Variants in MMS22L observed in about 807,000 individuals in gnomAD.
MMS22L encodes the protein protein MMS22-like.
Under a neutral mutation model 159.1 loss-of-function variants are expected in MMS22L, and 74 were observed. That is an observed-to-expected ratio of 0.47 (90% CI 0.39 to 0.56). MMS22L has a LOEUF of 0.56. MMS22L is among the 20% of genes least tolerant of loss of function. The pLI, the probability that MMS22L is intolerant of heterozygous loss-of-function variation, is 0.00. For missense variants in MMS22L, 1,351 were observed against 1,422.1 expected, an observed-to-expected ratio of 0.95 and a Z score of 0.80; for synonymous variants, 517 against 506.9, an observed-to-expected ratio of 1.02 and a Z score of -0.27.
At chr6:97,149,794 A>G in intron 24 of MMS22L, 59 bp downstream of exon 24, 1 of 1,440,758 alleles carries the variant, frequency 6.9e-7, no homozygotes. Flanking sequence ...TTTCTATAAA[A>G]TGAAATATAA....
At chr6:97,220,905 TAG>T (rs1371631152) in intron 14 of MMS22L, among the ~76,000 whole-genome samples, 1 of 150,862 alleles carries the variant, frequency 6.6e-6, no homozygotes, top group Non-Finnish European at 1.5e-5. Flanking sequence ...GTCACTATGC[TAG>T]AAGTATTATA....
At chr6:97,274,922 C>T (rs1030125003) in intron 4 of MMS22L, among the ~76,000 whole-genome samples, 3 of 152,122 alleles carry the variant, frequency 2.0e-5, no homozygotes, top group Admixed American at 6.6e-5. Flanking sequence ...AGACTACGCA[C>T]GAGAAAGAAT....
intron 6 of MMS22L, chr6:97,271,520 G>T (rs916202825): frequency 6.6e-6 from 1 of 151,958 alleles, no homozygotes; most frequent in South Asian, 2.1e-4. Flanking sequence ...ATTAAATGAC[G>T]TAATTAAAAG....
intron 14 of MMS22L, among the ~76,000 whole-genome samples, chr6:97,225,813 C>T (rs536224070): frequency 3.3e-5 from 5 of 152,212 alleles, no homozygotes; most frequent in South Asian, 4.1e-4. Flanking sequence ...CCTCGTGATC[C>T]GCCCACCTCG....
intron 14 of MMS22L, among the ~76,000 whole-genome samples, chr6:97,200,269 T>C (rs1173086178): frequency 1.1e-4 from 17 of 152,162 alleles, no homozygotes; most frequent in Admixed American, 1.1e-3. Context: ...TTTCCAGATA[T>C]GTAGTTTCAT....
intron 20 of MMS22L, among the ~76,000 whole-genome samples, chr6:97,166,440 G>GT (rs1387328433): frequency 2.0e-5 from 3 of 151,924 alleles, no homozygotes; most frequent in African/African-American, 7.3e-5. Context: ...AATTCTGAAA[G>GT]TTTATTTGTA....
Position 97,145,131 on chromosome 6 carries a change from T to TGA in MMS22L, c.*1673_*1674dup, listed in dbSNP as rs1800875974. ...ACCTTAAATAGATAAAACTCCTTAG[T>TGA]GACTGCTGGAACTTTCCAAGCCATA... On this transcript the variant is annotated 3_prime_UTR_variant, in exon 25 of 25. Transcript: ENST00000683635. 6.6e-6 allele frequency: 1 copy of TGA among 150,962 alleles called. No individual in the cohort carries two copies. Among genetic ancestry groups the TGA allele is most frequent in the African/African-American group, 2.4e-5 (1 of 40,938 alleles). The allele number at this position is 150,962 out of a possible 1,614,324, so 9.4% of individuals were successfully genotyped here.
chr6:97,148,259 A>C (rs1348642240), intron 24 of MMS22L, among the ~76,000 whole-genome samples: 1 of 152,226 alleles, frequency 6.6e-6, no homozygotes. Flanking sequence ...AATACTTGAT[A>C]ATAAGAAAGA....
At chr6:97,246,805 A>G (rs184852136) in intron 10 of MMS22L, 115 bp from the exon 11 acceptor site, 30 of 649,440 alleles carry the variant, frequency 4.6e-5, no homozygotes, top group East Asian at 5.9e-5. Context: ...TTCAGCATCA[A>G]TGTGATTTCT....
At position 97,145,357 on chromosome 6, in the gene MMS22L, G is replaced by A. The variant is rs1438300764; in HGVS notation, c.*1449C>T. The A allele has an allele frequency of 6.6e-6, 1 of 152,158 alleles. No homozygotes were observed. Among genetic ancestry groups the A allele is most frequent in the East Asian group, 1.9e-4 (1 of 5,202 alleles). 9.4% of individuals were successfully genotyped at this position (152,158 alleles called of 1,614,324 possible). On this transcript the variant is annotated 3_prime_UTR_variant, in exon 25 of 25. Coordinates refer to ENST00000683635, the MANE Select transcript of MMS22L (RefSeq NM_001350599.2). ...AGAACGCTATTAACTACAGAATACT[G>A]ATTGCAAAGTATTTCATTTTTAAAG...
chr6:97,156,762 C>T (rs1221749198), intron 22 of MMS22L, among the ~76,000 whole-genome samples: 1 of 152,108 alleles, frequency 6.6e-6, no homozygotes, highest in East Asian at 1.9e-4. Flanking sequence ...AAGTAGCCTC[C>T]TGCTTTGTTC....
At chr6:97,203,925 C>T (rs1008680532) in intron 14 of MMS22L, among the ~76,000 whole-genome samples, 1 of 152,100 alleles carries the variant, frequency 6.6e-6, no homozygotes, top group Non-Finnish European at 1.5e-5. Context: ...ATATTTAATG[C>T]ATATTAACAA....
chr6:97,172,166 G>A (rs1460986682), intron 19 of MMS22L, among the ~76,000 whole-genome samples: 1 of 152,046 alleles, frequency 6.6e-6, no homozygotes, highest in Non-Finnish European at 1.5e-5. Flanking sequence ...ATTTATTAAT[G>A]TGTATTTTAC....
intron 22 of MMS22L, among the ~76,000 whole-genome samples, chr6:97,155,176 G>T (rs1428702160): frequency 1.3e-5 from 2 of 151,804 alleles, no homozygotes; most frequent in African/African-American, 4.8e-5. Context: ...CTTTCACATG[G>T]TATTATTACT....
chr6:97,218,551 T>C (rs967166397), intron 14 of MMS22L, among the ~76,000 whole-genome samples: 6 of 152,154 alleles, frequency 3.9e-5, no homozygotes, highest in African/African-American at 1.2e-4. Flanking sequence ...CCTACTATCA[T>C]AGTAGGCATT....
chr6:97,157,636 T>C (rs539847822), intron 22 of MMS22L, among the ~76,000 whole-genome samples: 63 of 152,366 alleles, frequency 4.1e-4, no homozygotes, highest in Non-Finnish European at 8.1e-4. Context: ...GATTTGCATA[T>C]GTTGAACCAG....
chr6:97,162,390 A>G (rs1802540279), intron 21 of MMS22L, among the ~76,000 whole-genome samples: 1 of 152,020 alleles, frequency 6.6e-6, no homozygotes, highest in Non-Finnish European at 1.5e-5. Context: ...AGCACAATAT[A>G]GTCACAAACT....
intron 12 of MMS22L, among the ~76,000 whole-genome samples, chr6:97,232,556 T>G (rs924350431): frequency 1.3e-5 from 2 of 152,086 alleles, no homozygotes; most frequent in African/African-American, 4.8e-5. Context: ...TGCTCAAATT[T>G]TCCCATTTTC....
rs1800838892 is a variant in MMS22L at position 97,144,948 on chromosome 6, C to G, written c.*1858G>C. On this transcript the variant is annotated 3_prime_UTR_variant, in exon 25 of 25. Transcript: ENST00000683635. The stretch of plus-strand genomic sequence containing the variant: ...ATGATTCAGTAGCAGCTTTTCCTAT[C>G]CTTTAAACGTTTTCATACTCTAAGG... 6.7e-6 allele frequency: 1 copy of G among 149,038 alleles called. No individual in the cohort carries two copies. Among genetic ancestry groups the G allele is most frequent in the Non-Finnish European group, 1.5e-5 (1 of 67,280 alleles). 9.2% of individuals were successfully genotyped at this position (149,038 alleles called of 1,614,324 possible).
Sources: gnomAD v4.1 joint callset for allele counts (sites outside exome capture counted in the v4.1 genomes callset) on GRCh38, gnomAD v4.1.1 for gene constraint, MANE v1.5 for transcripts, NCBI Gene and HGNC (gene_info 2026-07-23, HGNC 2026-07-21) for gene names.